PRPF39: variants seen among roughly 807,000 people sequenced by gnomAD.
The protein encoded by PRPF39 is pre-mRNA processing factor 39.
A neutral mutation model predicts 82.1 loss-of-function variants in PRPF39; 27 were observed. That is an observed-to-expected ratio of 0.33 (90% CI 0.24 to 0.45). The LOEUF is 0.45. Among genes scored for constraint, PRPF39 ranks in the 20% least tolerant of loss-of-function variants. PRPF39 has a pLI of 1.00. For synonymous variants in PRPF39, 261 were observed against 256.4 expected (o/e 1.02, Z -0.17); for missense variants, 581 against 796.9 (o/e 0.73, Z 3.26).
intron 1 of PRPF39, among the ~76,000 whole-genome samples, chr14:45,090,639 C>T (rs1453865808): frequency 6.6e-6 from 1 of 151,930 alleles, no homozygotes; most frequent in Non-Finnish European, 1.5e-5. Flanking sequence ...ATGTTTTCAT[C>T]TATAGATTGC....
chr14:45,109,317 A>G (rs1399755160), intron 7 of PRPF39, among the ~76,000 whole-genome samples: 1 of 152,168 alleles, frequency 6.6e-6, no homozygotes, highest in South Asian at 2.1e-4. Context: ...GCAGCCATTG[A>G]TCTGCTTTCT....
Position 45,096,156 on chromosome 14 carries a change from G to A in PRPF39, c.378G>A (p.Pro126=), listed in dbSNP as rs189667722. The A allele has an allele frequency of 3.1e-5, 49 of 1,588,742 alleles. No individual in the cohort carries two copies. The Admixed American group carries it at 4.3e-4, about 14-fold the overall frequency. Residue 126 remains proline, a synonymous_variant, in exon 3 of 14, where the codon CCG becomes CCA. Transcript: ENST00000355765. ...TTGACAGATTTTTCATACACTATCCGTATTGCTATGGTTACTGGAAAAAGT... is the reference window on the plus strand; with the variant it reads ...TTGACAGATTTTTCATACACTATCCATATTGCTATGGTTACTGGAAAAAGT... ...KAFDRFFIHY[P]YCYGYWKKYA... is the part of the protein sequence containing the mutation.
chr14:45,095,480 T>A lies in PRPF39; in HGVS notation c.241T>A (p.Tyr81Asn). 6.2e-7 allele frequency: 1 copy of A among 1,613,888 alleles called. No individual in the cohort carries two copies. Among genetic ancestry groups the A allele is most frequent in the Non-Finnish European group, 8.5e-7 (1 of 1,179,856 alleles). ...AACAGAAGCAAATTTCCCTCCAGAA[T>A]ATGAAAAATTTTGGAAAACTGTAGA... ...TETEANFPPE[Y>N]EKFWKTVENN... is the part of the protein sequence containing the mutation. The change falls in exon 2 of 14, where the codon TAT becomes AAT. Residue 81 changes from tyrosine (Y) to asparagine (N), a missense_variant. Transcript: ENST00000355765.
chr14:45,109,923 T>C, intron 8 of PRPF39, 143 bp downstream of exon 8: 2 of 1,519,500 alleles, frequency 1.3e-6, no homozygotes, highest in Admixed American at 2.4e-5. Context: ...CAGATTTGAC[T>C]GCTGCATATG....
At chr14:45,102,181 GTTTTAA>G (rs1261154015) in intron 4 of PRPF39, among the ~76,000 whole-genome samples, 5 of 152,048 alleles carry the variant, frequency 3.3e-5, no homozygotes, top group Non-Finnish European at 7.4e-5. Context: ...CTTCCTACTT[GTTTTAA>G]TTTTGTCTTC....
intron 1 of PRPF39, among the ~76,000 whole-genome samples, chr14:45,092,115 A>T (rs1884047598): frequency 6.6e-6 from 1 of 152,246 alleles, no homozygotes; most frequent in Non-Finnish European, 1.5e-5. Flanking sequence ...TTATCAAAAA[A>T]GCAGAAGCTT....
Position 45,102,511 on chromosome 14 carries a change from A to T in PRPF39, c.570-18A>T. On this transcript the variant is annotated intron_variant, in intron 4 of 13. Transcript: ENST00000355765. ...TTTTATCTTGGAAAGATAACTTAAG[A>T]GTAATTTAATTTTTCAGAACTTTTG... is the stretch of plus-strand genomic sequence containing the variant. 2 of 1,560,680 alleles carry T rather than the reference A, an allele frequency of 1.3e-6. No homozygotes were observed. The highest frequency in any genetic ancestry group is 1.2e-5 in the South Asian group (1 of 83,154).
intron 2 of PRPF39, 27 bp from the exon 3 acceptor site, chr14:45,096,076 A>G: frequency 6.5e-7 from 1 of 1,527,046 alleles, no homozygotes; most frequent in Non-Finnish European, 8.8e-7. Context: ...TTTCCACAAT[A>G]TTTAAATACT....
intron 1 of PRPF39, among the ~76,000 whole-genome samples, chr14:45,094,314 G>A (rs1193920633): frequency 1.3e-5 from 2 of 152,116 alleles, no homozygotes; most frequent in Non-Finnish European, 2.9e-5. Flanking sequence ...CCTTAAAGGG[G>A]TAATTGCTTA....
intron 10 of PRPF39, chr14:45,111,108 CA>C (rs1884683475): frequency 2.9e-6 from 1 of 339,310 alleles, no homozygotes; most frequent in South Asian, 3.9e-5. Flanking sequence ...CTAAGTAGAA[CA>C]GAGGACTTGG....
chr14:45,114,482 C>A lies in PRPF39; in HGVS notation c.1833-12C>A. The A allele has an allele frequency of 1.3e-6, 2 of 1,548,830 alleles. No individual in the cohort carries two copies. Among genetic ancestry groups the A allele is most frequent in the Admixed American group, 2.2e-5 (1 of 44,518 alleles). On this transcript the variant is annotated splice_polypyrimidine_tract_variant and intron_variant, in intron 12 of 13. Coordinates refer to ENST00000355765, the MANE Select transcript of PRPF39 (RefSeq NM_017922.4). ...GGAGTTTTGAAAGTTTCCATTCTGA[C>A]GTTTTATATAGATCAGAAGAACCAG...
In PRPF39 at chr14:45,094,704, T is replaced by A. The variant is rs184834061; in HGVS notation, c.-19-517T>A. Among the ~76,000 whole-genome samples the A allele has an allele frequency of 7.2e-4, 110 of 152,364 alleles. 1 individual carries two copies. The East Asian group carries it at 0.019, about 27-fold the overall frequency. ...TAAATCGTAAGTATATAGATATATT[T>A]AAGCAATATGATTTTATCTTTTCTA... On this transcript the variant is annotated intron_variant, in intron 1 of 13. Transcript: ENST00000355765.
intron 7 of PRPF39, 148 bp downstream of exon 7, chr14:45,108,670 C>A: frequency 8.6e-7 from 1 of 1,166,850 alleles, no homozygotes; most frequent in Non-Finnish European, 1.1e-6. Context: ...TTATTGTAAT[C>A]ATTATCAGTT....
In PRPF39 at chr14:45,109,609, A is replaced by C; in HGVS notation, c.1012-7A>C. On this transcript the variant is annotated splice_polypyrimidine_tract_variant and splice_region_variant and intron_variant, in intron 7 of 13. Coordinates refer to ENST00000355765, the MANE Select transcript of PRPF39 (RefSeq NM_017922.4). ...ACTTTCATTGGCATGTTACAATTTC[A>C]TTTCAGATTAAAAGACCTTACTTTC... The C allele has an allele frequency of 6.3e-7, 1 of 1,595,738 alleles. No individual in the cohort carries two copies. The highest frequency in any genetic ancestry group is 8.5e-7 in the Non-Finnish European group (1 of 1,170,954).
At chr14:45,109,829 C>G (rs928660067) in intron 8 of PRPF39, 49 bp downstream of exon 8, 1 of 1,535,282 alleles carries the variant, frequency 6.5e-7, no homozygotes, top group Non-Finnish European at 8.7e-7. Flanking sequence ...AAACATTGAT[C>G]TAGTGACTAA....
rs1030166714 is a variant in PRPF39 at position 45,102,556 on chromosome 14, A to G, written c.597A>G (p.Ala199=). Residue 199 remains alanine (A), a synonymous_variant, in exon 5 of 14, where the codon GCA becomes GCG. Coordinates refer to ENST00000355765, the MANE Select transcript of PRPF39 (RefSeq NM_017922.4). The part of the protein sequence containing the change: ...RGTFEHAVLA[A]GTDFRSDRLW... ...CTTTTGAGCATGCTGTTCTAGCTGC[A>G]GGAACAGATTTCCGTTCTGACAGAC... The G allele has an allele frequency of 1.9e-6, 3 of 1,610,190 alleles. No homozygotes were observed. Among genetic ancestry groups the G allele is most frequent in the Non-Finnish European group, 2.5e-6 (3 of 1,178,592 alleles).
In PRPF39 at chr14:45,112,425, A is replaced by T; in HGVS notation, c.1680A>T (p.Ser560=). The T allele has an allele frequency of 1.3e-6, 2 of 1,552,462 alleles. No homozygotes were observed. Among genetic ancestry groups the T allele is most frequent in the South Asian group, 2.5e-5 (2 of 79,796 alleles). The part of the protein sequence containing the change: ...LNCFDKAVHG[S]LPIKMRITFS... The stretch of plus-strand genomic sequence containing the variant: ...GTTTTGACAAAGCTGTACATGGTTC[A>T]TTACCTATTAAAATGAGAATTACAT... The change falls in exon 11 of 14, where the codon TCA becomes TCT. Residue 560 remains serine (S), a synonymous_variant. Transcript: ENST00000355765.
chr14:45,088,614 T>G (rs896835716), intron 1 of PRPF39, among the ~76,000 whole-genome samples: 2 of 152,218 alleles, frequency 1.3e-5, no homozygotes, highest in Non-Finnish European at 2.9e-5. Context: ...ACAAGTTATT[T>G]AACGTTAATG....
chr14:45,106,948 T>G (rs1383039842), intron 5 of PRPF39, among the ~76,000 whole-genome samples: 1 of 152,150 alleles, frequency 6.6e-6, no homozygotes, highest in Non-Finnish European at 1.5e-5. Flanking sequence ...CACATGTGGA[T>G]GAGGAGTATT....
Sources: allele counts gnomAD v4.1 joint callset (sites outside exome capture counted in the v4.1 genomes callset), GRCh38; gene constraint gnomAD v4.1.1; transcripts MANE v1.5; gene names NCBI Gene and HGNC (gene_info 2026-07-23, HGNC 2026-07-21).